CCDC171: variants seen among roughly 807,000 people sequenced by gnomAD.
The protein encoded by CCDC171 is coiled-coil domain containing 171, also known as coiled-coil domain-containing protein 171.
CCDC171 carries 177 observed loss-of-function variants against 168.2 expected under a neutral mutation model. The observed-to-expected ratio is 1.05, with a 90% CI of 0.93 to 1.19. CCDC171 has a LOEUF of 1.19. Among genes scored for constraint, CCDC171 ranks in the 50% most tolerant of loss-of-function variants. The pLI is 0.00. For missense variants in CCDC171, 1,991 were observed against 1,539.0 expected, an observed-to-expected ratio of 1.29 and a Z score of -4.91; for synonymous variants, 687 against 540.8, an observed-to-expected ratio of 1.27 and a Z score of -3.75.
chr9:15,848,659 A>T (rs1182663461), intron 22 of CCDC171, among the ~76,000 whole-genome samples: 6 of 151,828 alleles, frequency 4.0e-5, no homozygotes, highest in Non-Finnish European at 8.8e-5. Flanking sequence ...ACAAAATTTA[A>T]GATATTAGTT....
intron 23 of CCDC171, among the ~76,000 whole-genome samples, chr9:15,862,167 CT>C: frequency 1.4e-5 from 1 of 72,008 alleles, no homozygotes; most frequent in East Asian, 5.6e-4. Flanking sequence ...TAAAAATTCT[CT>C]TTTTTTGAAT....
chr9:15,895,618 A>G (rs756888140), intron 24 of CCDC171, among the ~76,000 whole-genome samples: 6 of 152,118 alleles, frequency 3.9e-5, no homozygotes, highest in Non-Finnish European at 8.8e-5. Flanking sequence ...AATGATGTCA[A>G]GAGAGAGAAG....
At chr9:15,761,423 C>G (rs372398769) in intron 18 of CCDC171, among the ~76,000 whole-genome samples, 1 of 152,156 alleles carries the variant, frequency 6.6e-6, no homozygotes, top group East Asian at 1.9e-4. Flanking sequence ...TTTATTGAAT[C>G]TTAAAAAAAT....
chr9:16,100,810 G>A, the CCDC171 span, among the ~76,000 whole-genome samples: 8 of 152,172 alleles, frequency 5.3e-5, no homozygotes, highest in South Asian at 1.0e-3. Flanking sequence ...CCCCCACCCC[G>A]CCCCCCACCA....
intron 21 of CCDC171, among the ~76,000 whole-genome samples, chr9:15,797,030 G>A (rs1372448578): frequency 2.0e-5 from 3 of 152,154 alleles, no homozygotes; most frequent in African/African-American, 7.2e-5. Flanking sequence ...AGTTCCATTT[G>A]CTTCACATCC....
At chr9:15,561,015 T>C (rs539344255) in intron 1 of CCDC171, among the ~76,000 whole-genome samples, 18 of 152,260 alleles carry the variant, frequency 1.2e-4, no homozygotes, top group African/African-American at 4.3e-4. Context: ...TGCCTGGATA[T>C]CACTAGCGGA....
At chr9:15,889,355 C>T (rs984461781) in intron 24 of CCDC171, among the ~76,000 whole-genome samples, 23 of 152,186 alleles carry the variant, frequency 1.5e-4, no homozygotes, top group Middle Eastern at 6.8e-3. Context: ...ATGCAAAGGA[C>T]ATATACTGTT....
chr9:15,830,752 C>T (rs899213906), intron 21 of CCDC171, among the ~76,000 whole-genome samples: 3 of 152,090 alleles, frequency 2.0e-5, no homozygotes, highest in African/African-American at 4.8e-5. Flanking sequence ...TGCATATTTA[C>T]AGTTCTGTAG....
the CCDC171 span, among the ~76,000 whole-genome samples, chr9:16,087,557 C>CTTTTTTTT: frequency 5.1e-5 from 4 of 78,790 alleles, no homozygotes; most frequent in Non-Finnish European, 7.0e-5. Context: ...GCAACTCCTG[C>CTTTTTTTT]TTTTTTTTTT....
intron 1 of CCDC171, among the ~76,000 whole-genome samples, chr9:15,555,998 A>G (rs1428882915): frequency 1.3e-5 from 2 of 152,130 alleles, no homozygotes; most frequent in African/African-American, 2.4e-5. Context: ...CCATCTCCCT[A>G]CAAAGGACAT....
chr9:16,028,352 A>C (rs1334683054), intron 6 of CCDC171, among the ~76,000 whole-genome samples: 2 of 152,116 alleles, frequency 1.3e-5, no homozygotes, highest in Non-Finnish European at 2.9e-5. Flanking sequence ...CGGGAGAGGG[A>C]TCTGTTAAGA....
At chr9:15,743,138 C>T (rs1389741965) in intron 16 of CCDC171, among the ~76,000 whole-genome samples, 1 of 73,270 alleles carries the variant, frequency 1.4e-5, no homozygotes. Context: ...CTGTTACCTT[C>T]TTTTTTTTTT....
intron 9 of CCDC171, among the ~76,000 whole-genome samples, chr9:15,673,482 G>T (rs1374534148): frequency 3.9e-5 from 6 of 152,094 alleles, no homozygotes; most frequent in African/African-American, 1.4e-4. Context: ...TTGGCTGTGG[G>T]TTTGTCATAT....
chr9:15,755,385 G>T (rs1180955569), intron 18 of CCDC171, among the ~76,000 whole-genome samples: 1 of 152,148 alleles, frequency 6.6e-6, no homozygotes, highest in African/African-American at 2.4e-5. Flanking sequence ...AAAAAGTTAA[G>T]CATAGAGTTA....
Position 15,951,204 on chromosome 9 carries a change from G to A in CCDC171, c.3754-20405G>A, listed in dbSNP as rs373700415. 1.3e-4 allele frequency among the ~76,000 whole-genome samples: 19 copies of A among 149,860 alleles called. No homozygotes were observed. The East Asian group carries it at 1.4e-3, about 11-fold the overall frequency. ...ACTTTAACACCCCACTGTCAACATT[G>A]GACAGATCAACGAGACAGAAAGTCA... On this transcript the variant is annotated intron_variant, in intron 25 of 25. Coordinates refer to ENST00000380701, the MANE Select transcript of CCDC171 (RefSeq NM_173550.4).
Position 15,809,857 on chromosome 9 carries a change from T to C in CCDC171, c.3267+25163T>C, listed in dbSNP as rs1034184509. Among the ~76,000 whole-genome samples the C allele has an allele frequency of 7.5e-4, 114 of 152,322 alleles. 1 individual carries two copies. The highest frequency in any genetic ancestry group is 2.5e-3 in the African/African-American group (105 of 41,572). The stretch of plus-strand genomic sequence containing the variant: ...GGGGCAGCCTGCTTTTATTCCCTTA[T>C]CTGGACCCACCCACATCCTGCTGAT... On this transcript the variant is annotated intron_variant, in intron 21 of 25. Coordinates refer to ENST00000380701, the MANE Select transcript of CCDC171 (RefSeq NM_173550.4).
chr9:15,682,647 T>C (rs2050117809), intron 10 of CCDC171, among the ~76,000 whole-genome samples: 1 of 151,880 alleles, frequency 6.6e-6, no homozygotes, highest in African/African-American at 2.4e-5. Flanking sequence ...TTAAAAGATA[T>C]AACTAATAAA....
At chr9:15,711,967 G>A (rs2052701739) in intron 11 of CCDC171, among the ~76,000 whole-genome samples, 1 of 152,164 alleles carries the variant, frequency 6.6e-6, no homozygotes, top group South Asian at 2.1e-4. Flanking sequence ...ATTCCAGGAG[G>A]GTCTATTATC....
At chr9:15,908,468 A>G (rs568742469) in intron 24 of CCDC171, among the ~76,000 whole-genome samples, 1 of 150,418 alleles carries the variant, frequency 6.6e-6, no homozygotes, top group African/African-American at 2.4e-5. Flanking sequence ...GAACACATGG[A>G]CACAGGAAGG....
Sources: gnomAD v4.1 joint callset for allele counts (sites outside exome capture counted in the v4.1 genomes callset) on GRCh38, gnomAD v4.1.1 for gene constraint, MANE v1.5 for transcripts, NCBI Gene and HGNC (gene_info 2026-07-23, HGNC 2026-07-21) for gene names.